The following RGP1 variants were observed in gnomAD, a reference collection of about 807,000 sequenced individuals.
RGP1 encodes RGP1 partner of RAB6A GEF complex.
RGP1 carries 28 observed loss-of-function variants against 44.5 expected under a neutral mutation model. That is an observed-to-expected ratio of 0.63 (90% CI 0.47 to 0.86). RGP1 has a LOEUF of 0.86. Ranked by LOEUF, RGP1 falls within the 40% of genes least tolerant of loss-of-function variation. RGP1 has a pLI of 0.00. For missense variants in RGP1, 417 were observed against 490.7 expected (o/e 0.85, Z 1.42); for synonymous variants, 212 against 196.7 (o/e 1.08, Z -0.65).
chr9:35,753,296 T>C lies in RGP1; in HGVS notation c.*422T>C, dbSNP rs779181155. On this transcript the variant is annotated 3_prime_UTR_variant, in exon 9 of 9. Transcript: ENST00000378078. The surrounding 1 kb of genome is among the most constrained non-coding windows in gnomAD (Gnocchi z 4.2). ...ATGCTGGGACCTGGGGAACCAAGGA[T>C]AGGGGAAGGAGTCAGCACAGTGAAA... 31 of 1,611,410 alleles carry C rather than the reference T, an allele frequency of 1.9e-5. No homozygotes were observed. The Admixed American group carries it at 4.3e-4, about 23-fold the overall frequency.
chr9:35,765,137 AAG>A, the RGP1 span, among the ~76,000 whole-genome samples: 45 of 151,818 alleles, frequency 3.0e-4, no homozygotes, highest in Non-Finnish European at 5.4e-4. Context: ...AAAAAAAAAA[AAG>A]AAGTCCATTT....
At chr9:35,786,701 G>C in the RGP1 span, 1 of 152,180 alleles carries the variant, frequency 6.6e-6, no homozygotes, top group African/African-American at 2.4e-5. Flanking sequence ...TGTTTGGACT[G>C]TATTTTCACA....
Position 35,750,902 on chromosome 9 carries a change from T to G in RGP1, c.400T>G (p.Tyr134Asp). 1.9e-6 allele frequency: 3 copies of G among 1,614,042 alleles called. No individual in the cohort carries two copies. The highest frequency in any genetic ancestry group is 2.5e-6 in the Non-Finnish European group (3 of 1,179,886). ...CTCCTTTCGGGGTCAGTCAGTCAAGTACGTCTACAAACTGACCATTGGCTG... is the reference window on the plus strand; with the variant it reads ...CTCCTTTCGGGGTCAGTCAGTCAAGGACGTCTACAAACTGACCATTGGCTG... ...PPSFRGQSVK[Y>D]VYKLTIGCQR... Residue 134 changes from tyrosine to aspartate, a missense_variant, in exon 5 of 9, where the codon TAC becomes GAC. Coordinates refer to ENST00000378078, the MANE Select transcript of RGP1 (RefSeq NM_001080496.3).
chr9:35,787,895 G>A, the RGP1 span, among the ~76,000 whole-genome samples: 1 of 152,178 alleles, frequency 6.6e-6, no homozygotes, highest in East Asian at 1.9e-4. Context: ...CTGTGTGCAG[G>A]GGACAATTGC....
downstream of RGP1, among the ~76,000 whole-genome samples, chr9:35,759,567 C>CAAAAAAAAAAAA (rs57938702): frequency 5.2e-5 from 2 of 38,280 alleles, no homozygotes; most frequent in African/African-American, 2.0e-4. Flanking sequence ...ACCCTGTCTC[C>CAAAAAAAAAAAA]AAAAAAAAAA....
the RGP1 span, among the ~76,000 whole-genome samples, chr9:35,782,097 G>A: frequency 7.1e-6 from 1 of 139,942 alleles, no homozygotes; most frequent in Non-Finnish European, 1.5e-5. Context: ...AGGGATTCTT[G>A]TGCCTCAGCC....
the RGP1 span, among the ~76,000 whole-genome samples, chr9:35,789,849 C>T: frequency 6.6e-6 from 1 of 152,166 alleles, no homozygotes; most frequent in South Asian, 2.1e-4. Flanking sequence ...CTCTCTTTTG[C>T]AACTAAAAAG....
At chr9:35,775,908 A>C in the RGP1 span, among the ~76,000 whole-genome samples, 1 of 152,230 alleles carries the variant, frequency 6.6e-6, no homozygotes, top group Non-Finnish European at 1.5e-5. Flanking sequence ...GCTTTACAAT[A>C]TACAAGGTGC....
At position 35,755,671 on chromosome 9, in the gene RGP1, T is replaced by C. The variant is rs1827349161; in HGVS notation, c.*2797T>C. The C allele has an allele frequency of 6.6e-6, 1 of 152,190 alleles. No homozygotes were observed. Among genetic ancestry groups the C allele is most frequent in the Non-Finnish European group, 1.5e-5 (1 of 68,056 alleles). The allele number at this position is 152,190 out of a possible 1,614,324, so 9.4% of individuals were successfully genotyped here. On this transcript the variant is annotated 3_prime_UTR_variant, in exon 9 of 9. Transcript: ENST00000378078. ...AGTGGGGTTTGCACTCCTGTGAGAA[T>C]CTAATGCCTCTGCTGATCTGCCAGG...
chr9:35,777,408 C>T, the RGP1 span, among the ~76,000 whole-genome samples: 90 of 150,548 alleles, frequency 6.0e-4, no homozygotes, highest in Non-Finnish European at 1.2e-3. Flanking sequence ...GGATTACAGG[C>T]GTGAGCCACT....
chr9:35,786,406 G>A, the RGP1 span, among the ~76,000 whole-genome samples: 1 of 152,148 alleles, frequency 6.6e-6, no homozygotes, highest in Non-Finnish European at 1.5e-5. Context: ...TACTGGGGTT[G>A]GTAATAATGA....
At chr9:35,767,824 G>T in the RGP1 span, among the ~76,000 whole-genome samples, 8 of 152,092 alleles carry the variant, frequency 5.3e-5, no homozygotes, top group African/African-American at 1.7e-4. Context: ...TGTTGTTGTT[G>T]TTGTTTTGCA....
rs765745442 is a variant in RGP1 at position 35,752,767 on chromosome 9, C to A, written c.1069C>A (p.Pro357Thr). 2 of 1,613,710 alleles carry A rather than the reference C, an allele frequency of 1.2e-6. No individual in the cohort carries two copies. The highest frequency in any genetic ancestry group is 1.3e-5 in the African/African-American group (1 of 74,912). ...PTTWTGPEQV[P>T]VDTFSWDLPI... The stretch of plus-strand genomic sequence containing the variant: ...CACCTGGACAGGACCTGAGCAAGTA[C>A]CTGTAGACACCTTCAGCTGGGACCT... Residue 357 changes from proline to threonine, a missense_variant, in exon 9 of 9, where the codon CCT becomes ACT. Pro to Thr is a conservative substitution (Grantham distance 38, BLOSUM62 -1). Coordinates refer to ENST00000378078, the MANE Select transcript of RGP1 (RefSeq NM_001080496.3).
At chr9:35,763,374 T>C (rs565441770), downstream of RGP1, among the ~76,000 whole-genome samples, 3 of 152,336 alleles carry the variant, frequency 2.0e-5, no homozygotes, top group Admixed American at 6.5e-5. Flanking sequence ...AATAGTGAGA[T>C]TAACGGAGTC....
chr9:35,765,483 C>A, the RGP1 span, among the ~76,000 whole-genome samples: 1 of 151,848 alleles, frequency 6.6e-6, no homozygotes, highest in African/African-American at 2.4e-5. Context: ...ATGGTGAAAC[C>A]CCATCTCTAC....
At position 35,754,239 on chromosome 9, in the gene RGP1, TC is replaced by T; in HGVS notation, c.*1369del. On this transcript the variant is annotated 3_prime_UTR_variant, in exon 9 of 9. Coordinates refer to ENST00000378078, the MANE Select transcript of RGP1 (RefSeq NM_001080496.3). ...CCTTGAGTCTTAGTTTCTGTCTTTC[TC>T]CCCTGGGCTCCTGTCTCACACTATC... The T allele has an allele frequency of 1.5e-6, 2 of 1,365,282 alleles. No individual in the cohort carries two copies. Among genetic ancestry groups the T allele is most frequent in the Non-Finnish European group, 2.0e-6 (2 of 1,010,028 alleles). 84.6% of individuals were successfully genotyped at this position (1,365,282 alleles called of 1,614,324 possible). A position where few individuals can be genotyped will look rare whatever the true frequency, so the allele number is the denominator to read the frequency against.
chr9:35,777,737 A>G, the RGP1 span, among the ~76,000 whole-genome samples: 34 of 152,236 alleles, frequency 2.2e-4, no homozygotes, highest in African/African-American at 7.9e-4. Context: ...GTTTTCAGAA[A>G]AGCCTTCTTA....
chr9:35,756,377 C>G lies in RGP1; in HGVS notation c.*3503C>G, dbSNP rs1380521063. The G allele has an allele frequency of 6.6e-6, 1 of 152,324 alleles. No homozygotes were observed. Among genetic ancestry groups the G allele is most frequent in the African/African-American group, 2.4e-5 (1 of 41,450 alleles). The allele number at this position is 152,324 out of a possible 1,614,324, so 9.4% of individuals were successfully genotyped here. A position where few individuals can be genotyped will look rare whatever the true frequency, so the allele number is the denominator to read the frequency against. On this transcript the variant is annotated 3_prime_UTR_variant, in exon 9 of 9. Coordinates refer to ENST00000378078, the MANE Select transcript of RGP1 (RefSeq NM_001080496.3). ...ACTGTGTCAGTGCACCTCAAACTCC[C>G]TTGCTGTCCTTTTCCAAGGAGACAG...
the RGP1 span, among the ~76,000 whole-genome samples, chr9:35,789,985 A>T: frequency 6.6e-6 from 1 of 152,232 alleles, no homozygotes; most frequent in Non-Finnish European, 1.5e-5. Flanking sequence ...TAGCCCTGCC[A>T]TTCTGTAATT....
Sources: allele counts gnomAD v4.1 joint callset (sites outside exome capture counted in the v4.1 genomes callset), GRCh38; gene constraint gnomAD v4.1.1; non-coding constraint Gnocchi (gnomAD v3.1); transcripts MANE v1.5; gene names NCBI Gene and HGNC (gene_info 2026-07-23, HGNC 2026-07-21).